MLLT3: variants seen among roughly 807,000 people sequenced by gnomAD.
The protein encoded by MLLT3 is MLLT3 super elongation complex subunit.
Under a neutral mutation model 53.2 loss-of-function variants are expected in MLLT3, and 4 were observed. The observed-to-expected ratio is 0.08, with a 90% CI of 0.04 to 0.17. The LOEUF (loss-of-function observed/expected upper bound fraction) is 0.17, where lower values mean the gene tolerates loss of function less well. Among genes scored for constraint, MLLT3 ranks in the 10% least tolerant of loss-of-function variants. The pLI is 1.00. For missense variants in MLLT3, 569 were observed against 684.0 expected (o/e 0.83, Z 1.87); for synonymous variants, 283 against 230.6 (o/e 1.23, Z -2.06).
At position 20,346,391 on chromosome 9, in the gene MLLT3, A is replaced by C. The variant is rs1402892188; in HGVS notation, c.*52T>G. 2.2e-5 allele frequency: 33 copies of C among 1,471,446 alleles called. No individual in the cohort carries two copies. The highest frequency in any genetic ancestry group is 3.0e-5 in the Non-Finnish European group (33 of 1,106,712). 91.1% of individuals were successfully genotyped at this position (1,471,446 alleles called of 1,614,324 possible). A position where few individuals can be genotyped will look rare whatever the true frequency, so the allele number is the denominator to read the frequency against. On this transcript the variant is annotated 3_prime_UTR_variant, in exon 11 of 11. Coordinates refer to ENST00000380338, the MANE Select transcript of MLLT3 (RefSeq NM_004529.4). The stretch of plus-strand genomic sequence containing the variant: ...AAAAAATCACAACCAAAAAAAAAAA[A>C]AACCAAAAAAAAAAAACACAATAGT...
intron 4 of MLLT3, among the ~76,000 whole-genome samples, chr9:20,425,084 T>C (rs1823109959): frequency 6.6e-6 from 1 of 152,104 alleles, no homozygotes; most frequent in African/African-American, 2.4e-5. Flanking sequence ...AGAAGGGAAA[T>C]AACTTTAGGA....
At chr9:20,547,513 T>C (rs1475232940) in intron 2 of MLLT3, among the ~76,000 whole-genome samples, 3 of 151,626 alleles carry the variant, frequency 2.0e-5, no homozygotes, top group Non-Finnish European at 4.4e-5. Context: ...GGTGTGGTGG[T>C]GGGCACTGTA....
intron 2 of MLLT3, among the ~76,000 whole-genome samples, chr9:20,523,708 G>A (rs1031338517): frequency 3.9e-5 from 6 of 152,172 alleles, no homozygotes; most frequent in South Asian, 2.1e-4. Context: ...GGTGGCTCAT[G>A]CCTGTAATCC....
intron 2 of MLLT3, among the ~76,000 whole-genome samples, chr9:20,540,087 G>A (rs1367337262): frequency 1.3e-5 from 2 of 152,234 alleles, no homozygotes; most frequent in African/African-American, 4.8e-5. Flanking sequence ...CTGACTTCGT[G>A]TCTCACATCT....
chr9:20,551,843 T>C (rs544984306), intron 2 of MLLT3, among the ~76,000 whole-genome samples: 1 of 152,278 alleles, frequency 6.6e-6, no homozygotes, highest in South Asian at 2.1e-4. Context: ...GACATGAACA[T>C]ATTACCTACG....
chr9:20,384,771 C>G (rs1399640870), intron 5 of MLLT3, among the ~76,000 whole-genome samples: 1 of 152,072 alleles, frequency 6.6e-6, no homozygotes, highest in African/African-American at 2.4e-5. Flanking sequence ...GTCATCAAAT[C>G]TACAGTCTGT....
At chr9:20,601,221 C>T (rs1464931207) in intron 2 of MLLT3, among the ~76,000 whole-genome samples, 2 of 152,152 alleles carry the variant, frequency 1.3e-5, no homozygotes, top group Admixed American at 6.5e-5. Context: ...TCAGAATATT[C>T]TCCAGGTGAG....
intron 2 of MLLT3, among the ~76,000 whole-genome samples, chr9:20,593,137 C>G (rs1206169520): frequency 1.3e-5 from 2 of 152,106 alleles, no homozygotes; most frequent in Non-Finnish European, 2.9e-5. Context: ...TCTTCAGAAG[C>G]CACAAGCATA....
chr9:20,510,527 G>A (rs535086157), intron 2 of MLLT3, among the ~76,000 whole-genome samples: 14 of 149,912 alleles, frequency 9.3e-5, no homozygotes, highest in South Asian at 2.1e-4. Flanking sequence ...CAGGAGAATC[G>A]CTTGAACCCA....
intron 5 of MLLT3, among the ~76,000 whole-genome samples, chr9:20,382,065 T>C (rs1821921873): frequency 6.6e-6 from 1 of 151,890 alleles, no homozygotes; most frequent in African/African-American, 2.4e-5. Flanking sequence ...TTTTTCCTAC[T>C]TTAAATCACT....
chr9:20,611,788 G>A (rs1334174605), intron 2 of MLLT3, among the ~76,000 whole-genome samples: 1 of 152,044 alleles, frequency 6.6e-6, no homozygotes, highest in Non-Finnish European at 1.5e-5. Flanking sequence ...GTCAACCACT[G>A]CAAACTTACC....
In MLLT3 at chr9:20,620,605, T is replaced by G; in HGVS notation, c.193+49A>C. 1 of 1,548,224 alleles carries G rather than the reference T, an allele frequency of 6.5e-7. No individual in the cohort carries two copies. The highest frequency in any genetic ancestry group is 1.4e-5 in the African/African-American group (1 of 73,134). Reference sequence around the variant, plus strand: ...CAGCGGGACCGCCCGGGCCAAGCGATTGTTTCAAAGACATTTTTTATCAAG... The same window carrying G: ...CAGCGGGACCGCCCGGGCCAAGCGAGTGTTTCAAAGACATTTTTTATCAAG... On this transcript the variant is annotated intron_variant, in intron 2 of 10. Coordinates refer to ENST00000380338, the MANE Select transcript of MLLT3 (RefSeq NM_004529.4). The surrounding 1 kb of genome is among the most constrained non-coding windows in gnomAD (Gnocchi z 6.1).
Position 20,469,959 on chromosome 9 carries a change from C to G in MLLT3, c.194-13173G>C, listed in dbSNP as rs528328023. On this transcript the variant is annotated intron_variant, in intron 2 of 10. Transcript: ENST00000380338. The stretch of plus-strand genomic sequence containing the variant: ...AGAACTATAAAATGTCAAATATTAA[C>G]AGAAGTATGAATTTTGGTAAAAGCC... 3.3e-5 allele frequency among the ~76,000 whole-genome samples: 5 copies of G among 152,008 alleles called. No homozygotes were observed. The South Asian group carries it at 1.0e-3, about 32-fold the overall frequency.
At chr9:20,475,444 GA>G (rs1430067794) in intron 2 of MLLT3, among the ~76,000 whole-genome samples, 1 of 152,012 alleles carries the variant, frequency 6.6e-6, no homozygotes, top group Non-Finnish European at 1.5e-5. Context: ...TCTGCTGCAT[GA>G]AAAAGAAGGC....
chr9:20,363,683 T>C (rs1362661278), intron 6 of MLLT3, 78 bp from the exon 7 acceptor site: 50 of 1,391,768 alleles, frequency 3.6e-5, no homozygotes, highest in Non-Finnish European at 3.1e-5. Context: ...AGGGGGATGC[T>C]TACCAGCACT....
chr9:20,592,530 C>T (rs1455324509), intron 2 of MLLT3, among the ~76,000 whole-genome samples: 1 of 152,138 alleles, frequency 6.6e-6, no homozygotes, highest in Non-Finnish European at 1.5e-5. Flanking sequence ...AGGTCCTACC[C>T]CAATGACCTC....
At chr9:20,622,026 T>A in intron 1 of MLLT3, 1 of 816,966 alleles carries the variant, frequency 1.2e-6, no homozygotes, top group Non-Finnish European at 1.4e-6. Flanking sequence ...AGTGTGAGCG[T>A]GTGTGAGTGT....
intron 2 of MLLT3, among the ~76,000 whole-genome samples, chr9:20,600,316 A>C (rs1032839680): frequency 1.3e-5 from 2 of 152,198 alleles, no homozygotes; most frequent in Non-Finnish European, 2.9e-5. Context: ...GCATTTCCAG[A>C]AGGTAAGAAC....
At chr9:20,449,455 A>G (rs1823788305) in intron 3 of MLLT3, among the ~76,000 whole-genome samples, 1 of 152,232 alleles carries the variant, frequency 6.6e-6, no homozygotes, top group South Asian at 2.1e-4. Flanking sequence ...CTCTCTACAC[A>G]TTGATCTTTA....
Sources: allele counts gnomAD v4.1 joint callset (sites outside exome capture counted in the v4.1 genomes callset), GRCh38; gene constraint gnomAD v4.1.1; non-coding constraint Gnocchi (gnomAD v3.1); transcripts MANE v1.5; gene names NCBI Gene and HGNC (gene_info 2026-07-23, HGNC 2026-07-21).